Variants in SMARCE1 observed in about 807,000 individuals in gnomAD.
SMARCE1 encodes SWI/SNF-related matrix-associated actin-dependent regulator of chromatin subfamily E member 1.
Under a neutral mutation model 54.9 loss-of-function variants are expected in SMARCE1, and 13 were observed. The observed-to-expected ratio is 0.24, with a 90% confidence interval of 0.15 to 0.38. The LOEUF (loss-of-function observed/expected upper bound fraction) is 0.38, where lower values mean the gene tolerates loss of function less well. SMARCE1 is among the 10% of genes least tolerant of loss of function. The pLI, the probability that SMARCE1 is intolerant of heterozygous loss-of-function variation, is 1.00. For missense variants in SMARCE1, 295 were observed against 523.8 expected, an observed-to-expected ratio of 0.56 and a Z score of 4.26; for synonymous variants, 151 against 175.3, an observed-to-expected ratio of 0.86 and a Z score of 1.10.
In SMARCE1 at chr17:40,635,861, T is replaced by C. The variant is rs539193407; in HGVS notation, c.541+70A>G. 4.0e-3 allele frequency: 4,583 copies of C among 1,145,518 alleles called. 16 individuals are homozygous for C. The highest frequency in any genetic ancestry group is 5.0e-3 in the Non-Finnish European group (4,138 of 830,552). The allele number at this position is 1,145,518 out of a possible 1,614,324, so 71.0% of individuals were successfully genotyped here. A position where few individuals can be genotyped will look rare whatever the true frequency, so the allele number is the denominator to read the frequency against. ...ATTTAGGATAAGAAATAAAAACTTATACTTAAGAGATTTCTCATATCTTAA... is the reference window on the plus strand; with the variant it reads ...ATTTAGGATAAGAAATAAAAACTTACACTTAAGAGATTTCTCATATCTTAA... On this transcript the variant is annotated intron_variant, in intron 7 of 10. Transcript: ENST00000348513.
intron 9 of SMARCE1, chr17:40,631,218 G>A (rs954543736): frequency 2.4e-5 from 8 of 337,622 alleles, no homozygotes; most frequent in African/African-American, 1.5e-4. Flanking sequence ...TTTACATTTT[G>A]GGCTACCAAC....
At chr17:40,643,589 T>G (rs1044607759) in intron 3 of SMARCE1, 1 of 152,222 alleles carries the variant, frequency 6.6e-6, no homozygotes, top group African/African-American at 2.4e-5. Flanking sequence ...TTAGGGTATT[T>G]TACCTTGTAA....
chr17:40,629,615 C>A, intron 10 of SMARCE1: 2 of 762,562 alleles, frequency 2.6e-6, no homozygotes, highest in Non-Finnish European at 3.6e-6. Flanking sequence ...TAGTCTCAAA[C>A]GATTTTCTTC....
At position 40,625,418 on chromosome 17, in the gene SMARCE1, T is replaced by G. The variant is rs1197375204; in HGVS notation, c.*3367A>C. Reference sequence around the variant, plus strand: ...CCAAATGTGCAAATCATGAAGTCAGTTGTTGTTCCAGCAAGGTTTGCCCAG... The same window carrying G: ...CCAAATGTGCAAATCATGAAGTCAGGTGTTGTTCCAGCAAGGTTTGCCCAG... On this transcript the variant is annotated 3_prime_UTR_variant, in exon 11 of 11. Coordinates refer to ENST00000348513, the MANE Select transcript of SMARCE1 (RefSeq NM_003079.5). 1.3e-5 allele frequency: 2 copies of G among 152,204 alleles called. No homozygotes were observed. The highest frequency in any genetic ancestry group is 2.9e-5 in the Non-Finnish European group (2 of 68,042). 9.4% of individuals were successfully genotyped at this position (152,204 alleles called of 1,614,324 possible). A position where few individuals can be genotyped will look rare whatever the true frequency, so the allele number is the denominator to read the frequency against.
At chr17:40,637,973 CACTT>C (rs1253871415) in intron 4 of SMARCE1, among the ~76,000 whole-genome samples, 1 of 152,166 alleles carries the variant, frequency 6.6e-6, no homozygotes, top group African/African-American at 2.4e-5. Context: ...GAACCCTTAA[CACTT>C]ACCATTCTCA....
chr17:40,630,786 C>T lies in SMARCE1; in HGVS notation c.955G>A (p.Val319Ile), dbSNP rs140414666. 2.3e-5 allele frequency: 37 copies of T among 1,614,124 alleles called. No homozygotes were observed. The African/African-American group carries it at 3.6e-4, about 16-fold the overall frequency. Residue 319 changes from valine to isoleucine, a missense_variant, in exon 10 of 11, where the codon GTT (valine) becomes ATT (isoleucine). Physicochemically the swap from Val to Ile is conservative, Grantham distance 29 (BLOSUM62 3). Coordinates refer to ENST00000348513, the MANE Select transcript of SMARCE1 (RefSeq NM_003079.5). Reference protein sequence around the residue: ...EQAERSQSSIVPEEEQAANKG... With the variant: ...EQAERSQSSIIPEEEQAANKG... ...TTAGCTGCTTGTTCTTCCTCAGGAACGATGCTGCTCTGACTGCGCTCAGCT... is the reference window on the plus strand; with the variant it reads ...TTAGCTGCTTGTTCTTCCTCAGGAATGATGCTGCTCTGACTGCGCTCAGCT...
intron 8 of SMARCE1, 107 bp downstream of exon 8, chr17:40,632,088 T>C (rs2037100717): frequency 3.4e-6 from 3 of 874,916 alleles, no homozygotes; most frequent in African/African-American, 3.4e-5. Flanking sequence ...AGGAACAGGT[T>C]AGATTGACAT....
intron 3 of SMARCE1, chr17:40,643,680 C>T (rs1006242555): frequency 7.2e-5 from 11 of 152,166 alleles, no homozygotes; most frequent in African/African-American, 2.7e-4. Context: ...GTAAAATACA[C>T]TTAACACATT....
chr17:40,643,150 T>C (rs2144010293), intron 3 of SMARCE1: 1 of 152,328 alleles, frequency 6.6e-6, no homozygotes, highest in South Asian at 2.1e-4. Flanking sequence ...AAAGAACATA[T>C]GTTGGATTTG....
At position 40,628,537 on chromosome 17, in the gene SMARCE1, T is replaced by C. The variant is rs1347996937; in HGVS notation, c.*248A>G. The C allele has an allele frequency of 9.2e-6, 4 of 434,688 alleles. No individual in the cohort carries two copies. In the Admixed American group the frequency reaches 1.1e-4, roughly 12 times the overall value. 26.9% of individuals were successfully genotyped at this position (434,688 alleles called of 1,614,324 possible). The stretch of plus-strand genomic sequence containing the variant: ...AAGAGGTGGGTGTTTTCTCAATTAA[T>C]CTAAATTCTGAGGCTTTCAGCAGTT... On this transcript the variant is annotated 3_prime_UTR_variant, in exon 11 of 11. Coordinates refer to ENST00000348513, the MANE Select transcript of SMARCE1 (RefSeq NM_003079.5).
intron 8 of SMARCE1, 65 bp downstream of exon 8, chr17:40,632,130 A>T (rs1597743496): frequency 1.6e-6 from 2 of 1,254,208 alleles, no homozygotes; most frequent in East Asian, 4.6e-5. Flanking sequence ...ATGGTGTAGG[A>T]ATCATATCAC....
chr17:40,625,418 T>C lies in SMARCE1; in HGVS notation c.*3367A>G, dbSNP rs1197375204. ...CCAAATGTGCAAATCATGAAGTCAG[T>C]TGTTGTTCCAGCAAGGTTTGCCCAG... On this transcript the variant is annotated 3_prime_UTR_variant, in exon 11 of 11. Transcript: ENST00000348513. 6.6e-6 allele frequency: 1 copy of C among 152,204 alleles called. No homozygotes were observed. Among genetic ancestry groups the C allele is most frequent in the Non-Finnish European group, 1.5e-5 (1 of 68,042 alleles). 9.4% of individuals were successfully genotyped at this position (152,204 alleles called of 1,614,324 possible).
intron 5 of SMARCE1, 62 bp from the exon 6 acceptor site, chr17:40,636,588 A>T: frequency 7.4e-7 from 1 of 1,354,338 alleles, no homozygotes; most frequent in South Asian, 1.3e-5. Context: ...CTTTAAAAAT[A>T]GTTTTTAATG....
rs892066590 is a variant in SMARCE1 at position 40,637,583 on chromosome 17, G to A, written c.157-11C>T. The A allele has an allele frequency of 5.0e-6, 8 of 1,607,018 alleles. No individual in the cohort carries two copies. The Admixed American group carries it at 1.3e-4, about 27-fold the overall frequency. On this transcript the variant is annotated splice_polypyrimidine_tract_variant and intron_variant, in intron 4 of 10. Transcript: ENST00000348513. Reference sequence around the variant, plus strand: ...GATACCAGAGGATGCCTACGAAAGAGTTAAATACATTCATTATTCAACTGT... The same window carrying A: ...GATACCAGAGGATGCCTACGAAAGAATTAAATACATTCATTATTCAACTGT...
chr17:40,642,817 G>A lies in SMARCE1; in HGVS notation c.52-258C>T, dbSNP rs775980125. ...TGGGGGTGTTTGTGTGACTGTGAATGTGTGTTTTGTTTTTTGAGGTAAGCA... is the reference window on the plus strand; with the variant it reads ...TGGGGGTGTTTGTGTGACTGTGAATATGTGTTTTGTTTTTTGAGGTAAGCA... On this transcript the variant is annotated intron_variant, in intron 3 of 10. Coordinates refer to ENST00000348513, the MANE Select transcript of SMARCE1 (RefSeq NM_003079.5). This position sits in a 1 kb window ranked among gnomAD's most constrained non-coding sequence, Gnocchi z 4.6. 9.2e-6 allele frequency: 4 copies of A among 434,046 alleles called. No individual in the cohort carries two copies. The highest frequency in any genetic ancestry group is 1.6e-5 in the Non-Finnish European group (4 of 245,860). 26.9% of individuals were successfully genotyped at this position (434,046 alleles called of 1,614,324 possible). A position where few individuals can be genotyped will look rare whatever the true frequency, so the allele number is the denominator to read the frequency against.
At chr17:40,636,635 A>AT in intron 5 of SMARCE1, 109 bp from the exon 6 acceptor site, 1 of 852,458 alleles carries the variant, frequency 1.2e-6, no homozygotes, top group Admixed American at 2.5e-5. Flanking sequence ...AGAAAACAGT[A>AT]TCAAATTTCT....
chr17:40,627,200 C>G lies in SMARCE1; in HGVS notation c.*1585G>C, dbSNP rs2037044505. The G allele has an allele frequency of 6.6e-6, 1 of 152,226 alleles. No individual in the cohort carries two copies. The highest frequency in any genetic ancestry group is 2.4e-5 in the African/African-American group (1 of 41,448). The allele number at this position is 152,226 out of a possible 1,614,324, so 9.4% of individuals were successfully genotyped here. ...TGATACAAATTCGTTCTTTGACACA[C>G]AAGGAAACAGATGTCAAGAGTTGTT... On this transcript the variant is annotated 3_prime_UTR_variant, in exon 11 of 11. Transcript: ENST00000348513.
At chr17:40,640,135 GTTGT>G in intron 4 of SMARCE1, 1 of 152,198 alleles carries the variant, frequency 6.6e-6, no homozygotes, top group Non-Finnish European at 1.5e-5. Flanking sequence ...GTTTTTTGTT[GTTGT>G]TTCTTTTGCA....
At position 40,642,052 on chromosome 17, in the gene SMARCE1, G is replaced by C. The variant is rs369548014; in HGVS notation, c.156+403C>G. The stretch of plus-strand genomic sequence containing the variant: ...TACCAGCCAAAAGCTTTCCAGCCCT[G>C]AAAAAGCCAGGTCTGAAAGACCAGC... On this transcript the variant is annotated intron_variant, in intron 4 of 10. Coordinates refer to ENST00000348513, the MANE Select transcript of SMARCE1 (RefSeq NM_003079.5). This position sits in a 1 kb window ranked among gnomAD's most constrained non-coding sequence, Gnocchi z 4.6. 3.9e-6 allele frequency: 1 copy of C among 254,604 alleles called. No individual in the cohort carries two copies. Among genetic ancestry groups the C allele is most frequent in the African/African-American group, 2.3e-5 (1 of 43,936 alleles). The allele number at this position is 254,604 out of a possible 1,614,324, so 15.8% of individuals were successfully genotyped here. A position where few individuals can be genotyped will look rare whatever the true frequency, so the allele number is the denominator to read the frequency against.
Sources: gnomAD v4.1 joint callset for allele counts (sites outside exome capture counted in the v4.1 genomes callset) on GRCh38, gnomAD v4.1.1 for gene constraint, Gnocchi (gnomAD v3.1) non-coding constraint, MANE v1.5 for transcripts, NCBI Gene and HGNC (gene_info 2026-07-23, HGNC 2026-07-21) for gene names.